The following ZNF429 variants were observed in gnomAD, a reference collection of about 807,000 sequenced individuals.
ZNF429 encodes zinc finger protein 429.
A neutral mutation model predicts 56.8 loss-of-function variants in ZNF429; 53 were observed. The ratio of observed to expected loss-of-function variants is 0.93; its 90% CI spans 0.75 to 1.17. ZNF429 has a LOEUF of 1.17. Ranked by LOEUF, ZNF429 falls within the 50% of genes most tolerant of loss-of-function variation. The pLI is 0.00. For synonymous variants in ZNF429, 278 were observed against 264.7 expected (o/e 1.05, Z -0.49); for missense variants, 849 against 788.4 (o/e 1.08, Z -0.92).
chr19:21,537,323 C>A lies in ZNF429; in HGVS notation c.1270C>A (p.Pro424Thr). 6.2e-7 allele frequency: 1 copy of A among 1,614,056 alleles called. No individual in the cohort carries two copies. The highest frequency in any genetic ancestry group is 8.5e-7 in the Non-Finnish European group (1 of 1,179,982). ...CAAGAAAATTCATACTGGAGAGAAA[C>A]CCTACAATTGTGAAGAATGTGGCAA... Reference protein sequence around the residue: ...QDKKIHTGEKPYNCEECGKVF... With the variant: ...QDKKIHTGEKTYNCEECGKVF... Residue 424 changes from proline (P) to threonine (T), a missense_variant, in exon 4 of 4, where the codon CCC (proline) becomes ACC (threonine). Pro to Thr is a conservative substitution (Grantham distance 38). Coordinates refer to ENST00000358491, the MANE Select transcript of ZNF429 (RefSeq NM_001001415.4).
At chr19:21,524,247 G>T (rs2033084201) in intron 1 of ZNF429, among the ~76,000 whole-genome samples, 1 of 152,184 alleles carries the variant, frequency 6.6e-6, no homozygotes, top group South Asian at 2.1e-4. Context: ...ATGTGATGCT[G>T]GGCCAGGCGT....
chr19:21,529,800 A>G lies in ZNF429; in HGVS notation c.130+16A>G. Reference sequence around the variant, plus strand: ...GTCTTCCTGGGTGAGAATAACTTCAATACAACATTCCTAATATACCCTAAA... The same window carrying G: ...GTCTTCCTGGGTGAGAATAACTTCAGTACAACATTCCTAATATACCCTAAA... On this transcript the variant is annotated intron_variant, in intron 2 of 3. Coordinates refer to ENST00000358491, the MANE Select transcript of ZNF429 (RefSeq NM_001001415.4). 2.7e-6 allele frequency: 4 copies of G among 1,473,218 alleles called. No homozygotes were observed. The highest frequency in any genetic ancestry group is 2.9e-5 in the African/African-American group (2 of 69,664). 91.3% of individuals were successfully genotyped at this position (1,473,218 alleles called of 1,614,324 possible).
At chr19:21,525,642 AT>A in intron 1 of ZNF429, among the ~76,000 whole-genome samples, 1 of 145,380 alleles carries the variant, frequency 6.9e-6, no homozygotes, top group East Asian at 2.0e-4. Context: ...CGTATTTTTA[AT>A]TTTTTATTAA....
chr19:21,522,838 T>A (rs964224954), intron 1 of ZNF429, among the ~76,000 whole-genome samples: 1 of 151,840 alleles, frequency 6.6e-6, no homozygotes, highest in African/African-American at 2.4e-5. Flanking sequence ...AGAGGTTGCA[T>A]TGAGCCAAGA....
intron 3 of ZNF429, among the ~76,000 whole-genome samples, chr19:21,530,988 C>G: frequency 6.6e-6 from 1 of 151,648 alleles, no homozygotes; most frequent in African/African-American, 2.4e-5. Flanking sequence ...TGCCTGCAAT[C>G]CCAGCTTCTC....
intron 1 of ZNF429, among the ~76,000 whole-genome samples, chr19:21,524,353 C>A (rs1365592867): frequency 6.6e-6 from 1 of 152,174 alleles, no homozygotes; most frequent in Non-Finnish European, 1.5e-5. Context: ...CATGGTGAAA[C>A]CCCATCTCTA....
At chr19:21,505,989 T>C (rs2032122997) in intron 1 of ZNF429, 1 of 470,914 alleles carries the variant, frequency 2.1e-6, no homozygotes, top group Non-Finnish European at 4.0e-6. Context: ...CCGCAGTGAC[T>C]GTGCCTGACG....
intron 1 of ZNF429, 180 bp downstream of exon 1, chr19:21,505,954 G>A (rs1284835083): frequency 3.5e-6 from 2 of 566,510 alleles, no homozygotes; most frequent in Admixed American, 3.1e-5. Context: ...GCTGACAGCC[G>A]GGCCCCGGGC....
chr19:21,535,385 CTTT>C, intron 3 of ZNF429, among the ~76,000 whole-genome samples: 1 of 14,996 alleles, frequency 6.7e-5, no homozygotes, highest in Non-Finnish European at 1.3e-4. Flanking sequence ...TTCTTTTTTA[CTTT>C]CTTTCTTTCT....
At chr19:21,522,895 C>CAA (rs34316111) in intron 1 of ZNF429, among the ~76,000 whole-genome samples, 5 of 136,600 alleles carry the variant, frequency 3.7e-5, no homozygotes, top group Non-Finnish European at 3.2e-5. Flanking sequence ...GACTCTGTCT[C>CAA]AAAAAAAAAA....
intron 1 of ZNF429, among the ~76,000 whole-genome samples, chr19:21,515,045 A>G (rs1568414803): frequency 6.8e-6 from 1 of 146,092 alleles, no homozygotes; most frequent in African/African-American, 2.5e-5. Flanking sequence ...GATTCAAGTG[A>G]TTCTCCTGCC....
intron 1 of ZNF429, among the ~76,000 whole-genome samples, chr19:21,519,671 T>C (rs899139352): frequency 3.3e-5 from 5 of 152,216 alleles, no homozygotes; most frequent in African/African-American, 4.8e-5. Context: ...GCCCAGTCTC[T>C]GGATGTTAAT....
intron 1 of ZNF429, among the ~76,000 whole-genome samples, chr19:21,511,336 C>T (rs1203058956): frequency 6.6e-6 from 1 of 152,090 alleles, no homozygotes; most frequent in Non-Finnish European, 1.5e-5. Flanking sequence ...GGCTGCCAGG[C>T]GGAGGGTCTC....
At chr19:21,507,169 C>T (rs1351947099) in intron 1 of ZNF429, among the ~76,000 whole-genome samples, 1 of 152,090 alleles carries the variant, frequency 6.6e-6, no homozygotes, top group Non-Finnish European at 1.5e-5. Context: ...ACTGATCTTC[C>T]CCTGCATTTT....
In ZNF429 at chr19:21,537,532, C is replaced by G. The variant is rs2033750210; in HGVS notation, c.1479C>G (p.Ser493=). The G allele has an allele frequency of 9.3e-6, 15 of 1,613,118 alleles. No individual in the cohort carries two copies. The highest frequency in any genetic ancestry group is 1.3e-5 in the Non-Finnish European group (15 of 1,179,882). Residue 493 remains serine, a synonymous_variant, in exon 4 of 4, where the codon TCC becomes TCG. Transcript: ENST00000358491. ...AATGTGGCAAAGCCTTTAAGCAGTC[C>G]TCAAACCTTAACAGTCATAAAAAAA... ...CEECGKAFKQ[S]SNLNSHKKIH...
chr19:21,517,069 C>T (rs796353054), intron 1 of ZNF429, among the ~76,000 whole-genome samples: 3 of 143,176 alleles, frequency 2.1e-5, no homozygotes, highest in African/African-American at 7.7e-5. Flanking sequence ...AGCAGGTTGG[C>T]TGTTGATTTG....
chr19:21,525,557 G>A (rs1181014143), intron 1 of ZNF429, among the ~76,000 whole-genome samples: 4 of 152,094 alleles, frequency 2.6e-5, no homozygotes, highest in Admixed American at 1.3e-4. Context: ...AGAGTTTTGG[G>A]TGGTATATTT....
Position 21,537,119 on chromosome 19 carries a change from C to G in ZNF429, c.1066C>G (p.Leu356Val). The G allele has an allele frequency of 6.2e-7, 1 of 1,613,646 alleles. No homozygotes were observed. Residue 356 changes from leucine (L) to valine (V), a missense_variant, in exon 4 of 4, where the codon CTT becomes GTT. By Grantham distance (32) the Leu-to-Val change is conservative. Transcript: ENST00000358491. Reference protein sequence around the residue: ...CGKAFNWSSTLTKHKVIHTGE... With the variant: ...CGKAFNWSSTVTKHKVIHTGE... ...CAAAGCCTTTAACTGGTCTTCAACT[C>G]TTACTAAACATAAGGTAATTCATAC...
intron 3 of ZNF429, among the ~76,000 whole-genome samples, chr19:21,535,042 T>C: frequency 6.7e-6 from 1 of 149,552 alleles, no homozygotes; most frequent in Non-Finnish European, 1.5e-5. Flanking sequence ...TTAGCCGGGA[T>C]GGTCTCGATC....
Sources: allele counts gnomAD v4.1 joint callset (sites outside exome capture counted in the v4.1 genomes callset), GRCh38; gene constraint gnomAD v4.1.1; transcripts MANE v1.5; gene names NCBI Gene and HGNC (gene_info 2026-07-23, HGNC 2026-07-21).